KCND3: variants seen among roughly 807,000 people sequenced by gnomAD.
KCND3 encodes the protein potassium voltage-gated channel subfamily D member 3.
A neutral mutation model predicts 51.1 loss-of-function variants in KCND3; 9 were observed. That is an observed-to-expected ratio of 0.18 (90% CI 0.11 to 0.31). KCND3 has a LOEUF of 0.31. KCND3 is among the 10% of genes least tolerant of loss of function. KCND3 has a pLI of 1.00. For missense variants in KCND3, 526 were observed against 903.8 expected (o/e 0.58, Z 5.36); for synonymous variants, 349 against 368.0 (o/e 0.95, Z 0.59).
At chr1:111,966,505 A>T (rs1673995765) in intron 2 of KCND3, among the ~76,000 whole-genome samples, 1 of 152,078 alleles carries the variant, frequency 6.6e-6, no homozygotes, top group African/African-American at 2.4e-5. Flanking sequence ...CATGCTGCAA[A>T]CGTCCTTGGC....
At chr1:111,983,933 A>G (rs1675116900) in intron 1 of KCND3, among the ~76,000 whole-genome samples, 1 of 152,232 alleles carries the variant, frequency 6.6e-6, no homozygotes, top group African/African-American at 2.4e-5. Flanking sequence ...TAAAGATGAT[A>G]GTGAAATCAC....
At chr1:111,963,707 G>A (rs1026538868) in intron 2 of KCND3, among the ~76,000 whole-genome samples, 10 of 152,220 alleles carry the variant, frequency 6.6e-5, no homozygotes, top group Non-Finnish European at 8.8e-5. Context: ...TGAGCCTACC[G>A]TCATGAGGGA....
intron 2 of KCND3, among the ~76,000 whole-genome samples, chr1:111,843,606 C>CT (rs1431960925): frequency 1.3e-5 from 2 of 152,164 alleles, no homozygotes. Flanking sequence ...AGTGAAGCCC[C>CT]TTCTGCCCTG....
intron 2 of KCND3, among the ~76,000 whole-genome samples, chr1:111,917,329 G>A (rs188195536): frequency 1.2e-4 from 19 of 152,322 alleles, no homozygotes; most frequent in East Asian, 9.6e-4. Context: ...ATGCTCATCC[G>A]TGTAAAAGTA....
At chr1:111,869,996 G>GT (rs1668759738) in intron 2 of KCND3, among the ~76,000 whole-genome samples, 1 of 152,188 alleles carries the variant, frequency 6.6e-6, no homozygotes, top group African/African-American at 2.4e-5. Context: ...TAGTATGTGT[G>GT]TTTTTTGAGG....
At chr1:111,855,091 C>A (rs1019795498) in intron 2 of KCND3, among the ~76,000 whole-genome samples, 1 of 152,204 alleles carries the variant, frequency 6.6e-6, no homozygotes, top group African/African-American at 2.4e-5. Context: ...CTCACCACCC[C>A]CTGGGGTCCA....
intron 2 of KCND3, among the ~76,000 whole-genome samples, chr1:111,898,026 C>G (rs1414689328): frequency 1.3e-5 from 2 of 152,142 alleles, no homozygotes; most frequent in Non-Finnish European, 2.9e-5. Flanking sequence ...CCTACAAGAG[C>G]ACCCCACAAA....
At chr1:111,847,750 C>T (rs1254082247) in intron 2 of KCND3, among the ~76,000 whole-genome samples, 1 of 152,210 alleles carries the variant, frequency 6.6e-6, no homozygotes, top group Non-Finnish European at 1.5e-5. Context: ...TTTGCAGCAG[C>T]TGGAGAGGGA....
At chr1:111,905,420 G>T (rs369660452) in intron 2 of KCND3, among the ~76,000 whole-genome samples, 72 of 152,188 alleles carry the variant, frequency 4.7e-4, no homozygotes, top group African/African-American at 1.7e-3. Flanking sequence ...AGAGAGGCTC[G>T]GTGCTTTCAC....
intron 2 of KCND3, among the ~76,000 whole-genome samples, chr1:111,821,983 C>T (rs1254627764): frequency 6.6e-6 from 1 of 152,100 alleles, no homozygotes; most frequent in African/African-American, 2.4e-5. Flanking sequence ...AATACTCTGA[C>T]TGGGATTTCC....
At chr1:111,866,846 A>G (rs1277992444) in intron 2 of KCND3, among the ~76,000 whole-genome samples, 1 of 152,160 alleles carries the variant, frequency 6.6e-6, no homozygotes, top group Non-Finnish European at 1.5e-5. Context: ...ATCAGGTCTA[A>G]TGGCAATTTC....
At chr1:111,915,206 C>G (rs1425364544) in intron 2 of KCND3, among the ~76,000 whole-genome samples, 2 of 151,882 alleles carry the variant, frequency 1.3e-5, no homozygotes, top group Non-Finnish European at 2.9e-5. Flanking sequence ...AAAACATAAA[C>G]AAATTACATA....
At chr1:111,832,185 A>G (rs1425691917) in intron 2 of KCND3, among the ~76,000 whole-genome samples, 1 of 152,210 alleles carries the variant, frequency 6.6e-6, no homozygotes, top group Non-Finnish European at 1.5e-5. Flanking sequence ...ACACCTTCCC[A>G]GGCTAAGGAT....
At chr1:111,871,643 G>A (rs1668832353) in intron 2 of KCND3, among the ~76,000 whole-genome samples, 1 of 152,158 alleles carries the variant, frequency 6.6e-6, no homozygotes, top group South Asian at 2.1e-4. Flanking sequence ...GTTAGGGATA[G>A]GAAGTTAATT....
intron 2 of KCND3, among the ~76,000 whole-genome samples, chr1:111,964,469 G>C (rs1331676787): frequency 6.6e-6 from 1 of 151,808 alleles, no homozygotes; most frequent in African/African-American, 2.4e-5. Context: ...GGTGGGGTGG[G>C]GGCAGCAGAG....
intron 2 of KCND3, among the ~76,000 whole-genome samples, chr1:111,858,582 A>G (rs1311733111): frequency 6.6e-6 from 1 of 152,214 alleles, no homozygotes; most frequent in Non-Finnish European, 1.5e-5. Context: ...AAAAAAAGTT[A>G]AAACATTGTC....
intron 2 of KCND3, among the ~76,000 whole-genome samples, chr1:111,954,433 C>A (rs1189967606): frequency 6.6e-6 from 1 of 152,192 alleles, no homozygotes; most frequent in African/African-American, 2.4e-5. Flanking sequence ...AGAACTGAGA[C>A]CATTTGTGTC....
chr1:111,969,295 AAG>A (rs1674195530), intron 2 of KCND3, among the ~76,000 whole-genome samples: 1 of 152,066 alleles, frequency 6.6e-6, no homozygotes. Flanking sequence ...AACAGAGCCC[AAG>A]AGTCTTTGGT....
At chr1:111,913,859 G>C (rs1023061268) in intron 2 of KCND3, among the ~76,000 whole-genome samples, 1 of 152,154 alleles carries the variant, frequency 6.6e-6, no homozygotes, top group African/African-American at 2.4e-5. Context: ...TAGTGCCACT[G>C]CACTCTACCC....
Sources: gnomAD v4.1 joint callset for allele counts (sites outside exome capture counted in the v4.1 genomes callset) on GRCh38, gnomAD v4.1.1 for gene constraint, MANE v1.5 for transcripts, NCBI Gene and HGNC (gene_info 2026-07-23, HGNC 2026-07-21) for gene names.